The following NRG1 variants were observed in gnomAD, a reference collection of about 807,000 sequenced individuals.
NRG1 encodes the protein neuregulin 1, also known as pro-neuregulin-1, membrane-bound isoform.
In NRG1, 18 loss-of-function variants were observed where a neutral mutation model predicts 63.8. The ratio of observed to expected loss-of-function variants is 0.28; its 90% confidence interval spans 0.19 to 0.42. NRG1 has a LOEUF of 0.42. Among genes scored for constraint, NRG1 ranks in the 10% least tolerant of loss-of-function variants. NRG1 has a pLI of 1.00. For missense variants in NRG1, 762 were observed against 814.7 expected (o/e 0.94, Z 0.79); for synonymous variants, 302 against 301.3 (o/e 1.00, Z -0.02).
At chr8:32,026,926 A>G (rs1201633558) in intron 1 of NRG1, among the ~76,000 whole-genome samples, 2 of 152,070 alleles carry the variant, frequency 1.3e-5, no homozygotes, top group Non-Finnish European at 2.9e-5. Flanking sequence ...TTCCTTCACT[A>G]TAATTATCTT....
chr8:32,753,953 C>T (rs1721075525), intron 7 of NRG1, among the ~76,000 whole-genome samples: 2 of 152,142 alleles, frequency 1.3e-5, no homozygotes, highest in Non-Finnish European at 2.9e-5. Context: ...CCAATTCCAT[C>T]TCCTTTAATT....
At position 32,243,449 on chromosome 8, in the gene NRG1, A is replaced by AGG. The variant is rs58329453; in HGVS notation, c.38-352377_38-352376dup. On this transcript the variant is annotated intron_variant, in intron 1 of 10. Coordinates refer to the NRG1 transcript ENST00000519301. Reference sequence around the variant, plus strand: ...TGTCTCAAAAGAAAAAAAAAAAAAAAGGGCATTAGTCATTGGATTAGGGCC... The same window carrying AGG: ...TGTCTCAAAAGAAAAAAAAAAAAAAAGGGGGCATTAGTCATTGGATTAGGGCC... Among the ~76,000 whole-genome samples, 28 of 132,776 alleles carry AGG rather than the reference A, an allele frequency of 2.1e-4. 2 individuals are homozygous for AGG. The highest frequency in any genetic ancestry group is 7.6e-4 in the African/African-American group (26 of 34,424). The allele number at this position is 132,776 out of a possible 152,430, so 87.1% of individuals were successfully genotyped here.
chr8:32,446,589 A>G (rs1329053074), intron 1 of NRG1, among the ~76,000 whole-genome samples: 1 of 152,042 alleles, frequency 6.6e-6, no homozygotes, highest in African/African-American at 2.4e-5. Context: ...AGAGAAGTGG[A>G]GATTGCAGTG....
At chr8:32,717,153 G>A (rs898659004) in intron 5 of NRG1, among the ~76,000 whole-genome samples, 3 of 152,006 alleles carry the variant, frequency 2.0e-5, no homozygotes, top group African/African-American at 7.3e-5. Context: ...CCTCCCCATG[G>A]CCTATTTCTC....
At chr8:32,734,949 TC>T (rs112139430) in intron 6 of NRG1, among the ~76,000 whole-genome samples, 1,547 of 152,182 alleles carry the variant, frequency 0.01, 24 homozygotes, top group African/African-American at 0.035. Context: ...CCTGATGGAG[TC>T]TGTAGGCTAC....
chr8:31,774,423 G>A (rs917834202), intron 1 of NRG1, among the ~76,000 whole-genome samples: 1 of 152,050 alleles, frequency 6.6e-6, no homozygotes, highest in African/African-American at 2.4e-5. Flanking sequence ...CTTCTTGAGA[G>A]CAGTGACATT....
At chr8:32,350,693 C>T (rs868002175) in intron 1 of NRG1, among the ~76,000 whole-genome samples, 1 of 152,056 alleles carries the variant, frequency 6.6e-6, no homozygotes, top group Middle Eastern at 3.4e-3. Flanking sequence ...ATATTCATAA[C>T]TATTCCATAA....
intron 1 of NRG1, among the ~76,000 whole-genome samples, chr8:32,504,425 A>G (rs1380739612): frequency 6.6e-6 from 1 of 152,194 alleles, no homozygotes; most frequent in East Asian, 1.9e-4. Context: ...TAAATAATAT[A>G]TTTGGTTATA....
intron 1 of NRG1, among the ~76,000 whole-genome samples, chr8:32,535,496 C>T (rs1470395978): frequency 6.6e-6 from 1 of 152,080 alleles, no homozygotes. Context: ...TAAAAACAAA[C>T]CACGACCCTC....
chr8:32,459,084 C>T (rs573120689), intron 1 of NRG1, among the ~76,000 whole-genome samples: 12 of 152,310 alleles, frequency 7.9e-5, no homozygotes, highest in Middle Eastern at 3.4e-3. Flanking sequence ...ACTCCAGACT[C>T]GTAGGTCCAA....
chr8:32,413,816 A>T (rs1472910932), intron 1 of NRG1, among the ~76,000 whole-genome samples: 1 of 152,210 alleles, frequency 6.6e-6, no homozygotes, highest in Non-Finnish European at 1.5e-5. Context: ...TATTAATCAG[A>T]ACATACACAA....
At chr8:31,843,206 C>A (rs1043990907) in intron 1 of NRG1, among the ~76,000 whole-genome samples, 1 of 152,148 alleles carries the variant, frequency 6.6e-6, no homozygotes, top group African/African-American at 2.4e-5. Context: ...AACAATGTGG[C>A]ATGATTACTC....
At chr8:31,723,788 G>A (rs762347887) in intron 1 of NRG1, among the ~76,000 whole-genome samples, 98 of 152,102 alleles carry the variant, frequency 6.4e-4, no homozygotes, top group Non-Finnish European at 5.6e-4. Context: ...ATTTAGAAAT[G>A]AAGAAAGTGA....
intron 1 of NRG1, among the ~76,000 whole-genome samples, chr8:32,012,904 T>G (rs1190048263): frequency 1.3e-5 from 2 of 152,074 alleles, no homozygotes; most frequent in African/African-American, 4.8e-5. Flanking sequence ...TTTGTGAATG[T>G]ATAACTTTCT....
At chr8:32,723,401 G>A (rs1410204534) in intron 5 of NRG1, among the ~76,000 whole-genome samples, 1 of 152,124 alleles carries the variant, frequency 6.6e-6, no homozygotes. Context: ...AGAATTGTGG[G>A]TCAGGCGTGG....
chr8:31,729,925 C>T (rs1373149736), intron 1 of NRG1, among the ~76,000 whole-genome samples: 1 of 152,132 alleles, frequency 6.6e-6, no homozygotes, highest in Non-Finnish European at 1.5e-5. Context: ...GAGCCCAATT[C>T]TTTCTCTAAG....
chr8:32,737,537 C>T (rs950009291), intron 6 of NRG1, among the ~76,000 whole-genome samples: 10 of 147,402 alleles, frequency 6.8e-5, no homozygotes, highest in South Asian at 6.4e-4. Context: ...GGTGACAGAG[C>T]GAGACTCCGT....
chr8:32,221,379 C>T (rs749868944), intron 1 of NRG1, among the ~76,000 whole-genome samples: 1 of 152,146 alleles, frequency 6.6e-6, no homozygotes, highest in Non-Finnish European at 1.5e-5. Flanking sequence ...GAGAGTTAAC[C>T]TCCTCCAGGT....
chr8:32,421,959 C>T (rs116536527), intron 1 of NRG1, among the ~76,000 whole-genome samples: 1,533 of 152,032 alleles, frequency 0.01, 27 homozygotes, highest in African/African-American at 0.035. Context: ...CATAACAGAA[C>T]GGAACAATAG....
Sources: allele counts gnomAD v4.1 joint callset (sites outside exome capture counted in the v4.1 genomes callset), GRCh38; gene constraint gnomAD v4.1.1; transcripts MANE v1.5; gene names NCBI Gene and HGNC (gene_info 2026-07-23, HGNC 2026-07-21).